The following EXOC4 variants were observed in gnomAD, a reference collection of about 807,000 sequenced individuals.
EXOC4 encodes exocyst complex component 4.
EXOC4 carries 71 observed loss-of-function variants against 107.2 expected under a neutral mutation model. The observed-to-expected ratio is 0.66, with a 90% CI of 0.55 to 0.81. The LOEUF (loss-of-function observed/expected upper bound fraction) is 0.81, where lower values mean the gene tolerates loss of function less well. Ranked by LOEUF, EXOC4 falls within the 30% of genes least tolerant of loss-of-function variation. The pLI is 0.00. For missense variants in EXOC4, 1,108 were observed against 1,189.6 expected, an observed-to-expected ratio of 0.93 and a Z score of 1.01; for synonymous variants, 456 against 441.2, an observed-to-expected ratio of 1.03 and a Z score of -0.42.
downstream of EXOC4, among the ~76,000 whole-genome samples, chr7:134,070,318 G>A (rs1248986922): frequency 2.6e-5 from 4 of 152,210 alleles, no homozygotes; most frequent in African/African-American, 4.8e-5. Flanking sequence ...AATGAACTGC[G>A]CAGCTGGAAG....
chr7:133,898,949 G>T (rs1466680369), intron 12 of EXOC4, among the ~76,000 whole-genome samples: 1 of 150,744 alleles, frequency 6.6e-6, no homozygotes, highest in Non-Finnish European at 1.5e-5. Flanking sequence ...CTGCACTCCA[G>T]ACTGGATGAC....
chr7:133,674,305 T>C (rs139508548), intron 10 of EXOC4, among the ~76,000 whole-genome samples: 1 of 152,288 alleles, frequency 6.6e-6, no homozygotes, highest in Non-Finnish European at 1.5e-5. Flanking sequence ...CCAGTGGGCT[T>C]TACTATAAAA....
intron 2 of EXOC4, among the ~76,000 whole-genome samples, chr7:133,287,339 C>A (rs1683296358): frequency 6.6e-6 from 1 of 151,830 alleles, no homozygotes; most frequent in African/African-American, 2.4e-5. Flanking sequence ...GAGACGGAGT[C>A]TTGCTCTGTC....
intron 11 of EXOC4, among the ~76,000 whole-genome samples, chr7:133,858,468 G>A (rs550242994): frequency 4.3e-4 from 65 of 152,242 alleles, no homozygotes; most frequent in Non-Finnish European, 6.9e-4. Flanking sequence ...AAGGCATTAA[G>A]GAAGTTCTCA....
At chr7:133,862,736 A>G (rs1798561990) in intron 11 of EXOC4, among the ~76,000 whole-genome samples, 1 of 152,342 alleles carries the variant, frequency 6.6e-6, no homozygotes, top group South Asian at 2.1e-4. Context: ...ATACATGCAT[A>G]CATACATATT....
intron 12 of EXOC4, among the ~76,000 whole-genome samples, chr7:133,917,355 A>C (rs1021286406): frequency 6.6e-6 from 1 of 152,170 alleles, no homozygotes; most frequent in Non-Finnish European, 1.5e-5. Flanking sequence ...AGTTTTTTCA[A>C]CTGTCACGAT....
intron 8 of EXOC4, chr7:133,479,738 G>A (rs1247098126): frequency 2.7e-5 from 8 of 300,934 alleles, no homozygotes; most frequent in Non-Finnish European, 5.2e-5. Flanking sequence ...CATGTATAAG[G>A]ATCCTGGCTA....
At chr7:133,518,581 A>T (rs1055686140) in intron 9 of EXOC4, among the ~76,000 whole-genome samples, 1 of 152,188 alleles carries the variant, frequency 6.6e-6, no homozygotes, top group Non-Finnish European at 1.5e-5. Context: ...GTTAAAAGAC[A>T]GAAGCAACCC....
At position 133,673,142 on chromosome 7, in the gene EXOC4, G is replaced by A. The variant is rs565557379; in HGVS notation, c.1514+43001G>A. 2.0e-5 allele frequency among the ~76,000 whole-genome samples: 3 copies of A among 152,216 alleles called. No homozygotes were observed. In the South Asian group the frequency reaches 6.2e-4, roughly 32 times the overall value. Reference sequence around the variant, plus strand: ...GATAGCCTCAGTATTTCTTATTTCAGCAGTTGAGGTTAAAGAGCCAAACAT... The same window carrying A: ...GATAGCCTCAGTATTTCTTATTTCAACAGTTGAGGTTAAAGAGCCAAACAT... On this transcript the variant is annotated intron_variant, in intron 10 of 17. Coordinates refer to ENST00000253861, the MANE Select transcript of EXOC4 (RefSeq NM_021807.4).
chr7:133,427,359 T>G (rs1797750300), intron 7 of EXOC4, among the ~76,000 whole-genome samples: 1 of 152,204 alleles, frequency 6.6e-6, no homozygotes, highest in South Asian at 2.1e-4. Flanking sequence ...TGACATCACC[T>G]CTATACGTTT....
chr7:133,907,762 C>A (rs1332684608), intron 12 of EXOC4, among the ~76,000 whole-genome samples: 1 of 151,428 alleles, frequency 6.6e-6, no homozygotes. Flanking sequence ...TCGCTTGAAC[C>A]TGGGAGGCAG....
intron 7 of EXOC4, among the ~76,000 whole-genome samples, chr7:133,391,393 G>T (rs1372473031): frequency 6.6e-6 from 1 of 152,214 alleles, no homozygotes; most frequent in Non-Finnish European, 1.5e-5. Context: ...GCTATTTTTG[G>T]CTGTGCTGCA....
chr7:133,650,578 T>G (rs540232172), intron 10 of EXOC4, among the ~76,000 whole-genome samples: 92 of 152,246 alleles, frequency 6.0e-4, no homozygotes, highest in African/African-American at 2.2e-3. Context: ...TAAGCCCTAA[T>G]TCATGCCACT....
rs147199323 is a variant in EXOC4 at position 133,748,680 on chromosome 7, G to A, written c.1515-68645G>A. Among the ~76,000 whole-genome samples, 45 of 152,278 alleles carry A rather than the reference G, an allele frequency of 3.0e-4. 2 individuals are homozygous for A. In the East Asian group the frequency reaches 8.7e-3, roughly 29 times the overall value. The stretch of plus-strand genomic sequence containing the variant: ...GCTTCCTGTGCTCTCTCCCTTCCCT[G>A]AGAGGGTCATATAGAGCACAGTCTT... On this transcript the variant is annotated intron_variant, in intron 10 of 17. Transcript: ENST00000253861.
At chr7:133,965,841 G>T (rs1166739355) in intron 14 of EXOC4, among the ~76,000 whole-genome samples, 1 of 152,154 alleles carries the variant, frequency 6.6e-6, no homozygotes, top group African/African-American at 2.4e-5. Context: ...ATTTAAAGTA[G>T]TTTTTTCTAA....
chr7:134,024,533 T>C (rs1258164602), intron 17 of EXOC4, among the ~76,000 whole-genome samples: 1 of 152,142 alleles, frequency 6.6e-6, no homozygotes, highest in Non-Finnish European at 1.5e-5. Flanking sequence ...CTGTCTTTTG[T>C]TATTTCAATA....
chr7:133,277,013 G>A (rs1240513148), intron 2 of EXOC4, among the ~76,000 whole-genome samples: 1 of 151,538 alleles, frequency 6.6e-6, no homozygotes, highest in African/African-American at 2.4e-5. Context: ...CCAGGCTGGA[G>A]TGCAATGGCG....
intron 1 of EXOC4, among the ~76,000 whole-genome samples, chr7:133,255,400 C>T (rs1047959336): frequency 3.9e-5 from 6 of 152,150 alleles, no homozygotes; most frequent in African/African-American, 1.2e-4. Flanking sequence ...TGGTCTCGAT[C>T]GCTTGACCTT....
chr7:134,028,909 C>CT (rs1362654500), intron 17 of EXOC4, among the ~76,000 whole-genome samples: 1 of 152,194 alleles, frequency 6.6e-6, no homozygotes, highest in Non-Finnish European at 1.5e-5. Context: ...TACTGGCTGC[C>CT]TTGAAAGAGC....
Sources: gnomAD v4.1 joint callset for allele counts (sites outside exome capture counted in the v4.1 genomes callset) on GRCh38, gnomAD v4.1.1 for gene constraint, MANE v1.5 for transcripts, NCBI Gene and HGNC (gene_info 2026-07-23, HGNC 2026-07-21) for gene names.